RORA: variants seen among roughly 807,000 people sequenced by gnomAD.
RORA encodes nuclear receptor ROR-alpha.
Under a neutral mutation model 69.5 loss-of-function variants are expected in RORA, and 7 were observed. The ratio of observed to expected loss-of-function variants is 0.10; its 90% confidence interval spans 0.06 to 0.19. The LOEUF (loss-of-function observed/expected upper bound fraction) is 0.19. Ranked by LOEUF, RORA falls within the 10% of genes least tolerant of loss-of-function variation. The pLI, the probability that RORA is intolerant of heterozygous loss-of-function variation, is 1.00. For missense variants in RORA, 457 were observed against 663.0 expected (o/e 0.69, Z 3.41); for synonymous variants, 261 against 240.8 (o/e 1.08, Z -0.78).
intron 1 of RORA, among the ~76,000 whole-genome samples, chr15:61,046,574 C>T (rs1897039857): frequency 6.6e-6 from 1 of 152,182 alleles, no homozygotes; most frequent in South Asian, 2.1e-4. Flanking sequence ...GATGTTCATG[C>T]AAATGCAGGG....
intron 1 of RORA, among the ~76,000 whole-genome samples, chr15:60,719,619 C>A (rs2071267231): frequency 6.6e-6 from 1 of 152,146 alleles, no homozygotes; most frequent in Non-Finnish European, 1.5e-5. Flanking sequence ...CTGTCATAAA[C>A]ATCTTAATTT....
chr15:61,194,164 G>C (rs535684301), intron 1 of RORA: 2 of 152,330 alleles, frequency 1.3e-5, no homozygotes, highest in South Asian at 4.1e-4. Flanking sequence ...AGAGACATTT[G>C]AACTTGTGCC....
chr15:60,939,189 C>A (rs1372695552), intron 1 of RORA, among the ~76,000 whole-genome samples: 1 of 152,190 alleles, frequency 6.6e-6, no homozygotes. Context: ...CTCATTCACT[C>A]ACTCATTCAT....
intron 1 of RORA, among the ~76,000 whole-genome samples, chr15:61,003,225 T>G (rs1242218880): frequency 6.6e-6 from 1 of 152,030 alleles, no homozygotes; most frequent in African/African-American, 2.4e-5. Context: ...ATAGGCTATA[T>G]AGTATGCAGT....
chr15:60,877,282 G>A (rs1470675059), intron 1 of RORA, among the ~76,000 whole-genome samples: 3 of 152,164 alleles, frequency 2.0e-5, no homozygotes, highest in African/African-American at 7.2e-5. Flanking sequence ...ACTGAACAAT[G>A]AGAGCCTGGG....
At chr15:60,637,094 T>G (rs967820093) in intron 2 of RORA, among the ~76,000 whole-genome samples, 1 of 152,104 alleles carries the variant, frequency 6.6e-6, no homozygotes, top group African/African-American at 2.4e-5. Context: ...AATAATCTAC[T>G]GGAAGTAGGA....
chr15:60,867,634 A>G (rs1191473492), intron 1 of RORA, among the ~76,000 whole-genome samples: 3 of 152,168 alleles, frequency 2.0e-5, no homozygotes, highest in African/African-American at 7.2e-5. Context: ...CAAAAGATGC[A>G]TTAGAGCCTA....
chr15:60,973,270 A>G (rs1893777537), intron 1 of RORA, among the ~76,000 whole-genome samples: 1 of 152,158 alleles, frequency 6.6e-6, no homozygotes, highest in African/African-American at 2.4e-5. Context: ...CCCTCATTCT[A>G]GTCTACACAC....
chr15:61,068,094 C>T (rs755183597), intron 1 of RORA, among the ~76,000 whole-genome samples: 1 of 152,170 alleles, frequency 6.6e-6, no homozygotes. Flanking sequence ...TTTATAAGCC[C>T]ATTTTCTAGG....
intron 1 of RORA, among the ~76,000 whole-genome samples, chr15:60,779,181 T>G (rs139342024): frequency 1.3e-4 from 20 of 152,318 alleles, no homozygotes; most frequent in African/African-American, 4.8e-4. Flanking sequence ...TGAAGGCTCA[T>G]CAGACTTTTC....
chr15:60,975,091 A>T (rs1893838475), intron 1 of RORA, among the ~76,000 whole-genome samples: 1 of 152,206 alleles, frequency 6.6e-6, no homozygotes, highest in African/African-American at 2.4e-5. Context: ...CAACAAGGGA[A>T]GAAGCATGAT....
At chr15:60,966,283 A>G (rs904060343) in intron 1 of RORA, among the ~76,000 whole-genome samples, 4 of 152,282 alleles carry the variant, frequency 2.6e-5, no homozygotes, top group African/African-American at 9.6e-5. Context: ...TCACATGCTG[A>G]GTATGGGGAT....
At chr15:60,547,087 G>A (rs921456072) in intron 2 of RORA, among the ~76,000 whole-genome samples, 36 of 152,128 alleles carry the variant, frequency 2.4e-4, no homozygotes, top group Admixed American at 1.9e-3. Context: ...GATAGCCTTC[G>A]AATGCTCTTT....
intron 1 of RORA, among the ~76,000 whole-genome samples, chr15:61,010,363 C>T (rs1406084620): frequency 6.6e-6 from 1 of 152,126 alleles, no homozygotes; most frequent in African/African-American, 2.4e-5. Context: ...AAAATCATCC[C>T]TTTAAGAATC....
chr15:61,023,462 A>G (rs928640129), intron 1 of RORA, among the ~76,000 whole-genome samples: 22 of 152,134 alleles, frequency 1.4e-4, no homozygotes, highest in African/African-American at 5.3e-4. Context: ...GGTATGGGGG[A>G]AACCACCCCC....
At chr15:60,803,333 A>T (rs2072613790) in intron 1 of RORA, among the ~76,000 whole-genome samples, 1 of 152,180 alleles carries the variant, frequency 6.6e-6, no homozygotes, top group South Asian at 2.1e-4. Context: ...TTCTTCACTC[A>T]GGGAAGGGGG....
intron 1 of RORA, among the ~76,000 whole-genome samples, chr15:60,753,462 A>G (rs903264810): frequency 1.3e-5 from 2 of 152,226 alleles, no homozygotes; most frequent in Admixed American, 6.5e-5. Context: ...ACAGGGAAAT[A>G]AAAACAGCCA....
intron 1 of RORA, among the ~76,000 whole-genome samples, chr15:61,033,095 G>A (rs1225696520): frequency 2.0e-5 from 3 of 152,138 alleles, no homozygotes; most frequent in African/African-American, 4.8e-5. Context: ...CAAACCAAAG[G>A]CTATCAGATT....
chr15:60,571,313 T>C (rs1205296488), intron 2 of RORA, among the ~76,000 whole-genome samples: 1 of 151,148 alleles, frequency 6.6e-6, no homozygotes, highest in South Asian at 2.1e-4. Context: ...TGAAGTGGTT[T>C]CCTGTGTTTT....
Sources: gnomAD v4.1 joint callset for allele counts (sites outside exome capture counted in the v4.1 genomes callset) on GRCh38, gnomAD v4.1.1 for gene constraint, MANE v1.5 for transcripts, NCBI Gene and HGNC (gene_info 2026-07-23, HGNC 2026-07-21) for gene names.